MEGF11: variants seen among roughly 807,000 people sequenced by gnomAD.
MEGF11 encodes the protein multiple EGF like domains 11, also known as multiple epidermal growth factor-like domains protein 11.
A neutral mutation model predicts 146.6 loss-of-function variants in MEGF11; 126 were observed. The observed-to-expected ratio is 0.86, with a 90% CI of 0.74 to 1.00. The LOEUF (loss-of-function observed/expected upper bound fraction) is 1.00, where lower values mean the gene tolerates loss of function less well. MEGF11 is among the 50% of genes least tolerant of loss of function. MEGF11 has a pLI of 0.00. For missense variants in MEGF11, 1,509 were observed against 1,521.2 expected, an observed-to-expected ratio of 0.99 and a Z score of 0.13; for synonymous variants, 532 against 583.4, an observed-to-expected ratio of 0.91 and a Z score of 1.27.
chr15:66,081,505 A>C (rs1174794826), intron 5 of MEGF11, among the ~76,000 whole-genome samples: 1 of 152,166 alleles, frequency 6.6e-6, no homozygotes. Flanking sequence ...TAGCCTTCCA[A>C]GTAGCTGGGA....
intron 22 of MEGF11, 68 bp downstream of exon 22, chr15:65,909,672 G>C: frequency 7.0e-7 from 1 of 1,431,288 alleles, no homozygotes; most frequent in Non-Finnish European, 9.5e-7. Context: ...CAAGCTGGGT[G>C]CTTCTCAATA....
chr15:65,946,795 C>G (rs2080210631), intron 10 of MEGF11, among the ~76,000 whole-genome samples: 1 of 152,142 alleles, frequency 6.6e-6, no homozygotes, highest in Non-Finnish European at 1.5e-5. Flanking sequence ...ACGGCAGTGG[C>G]TCCCTCTTGC....
intron 5 of MEGF11, among the ~76,000 whole-genome samples, chr15:66,029,465 C>T (rs2083445054): frequency 6.6e-6 from 1 of 152,166 alleles, no homozygotes; most frequent in African/African-American, 2.4e-5. Flanking sequence ...CACCTGCTGG[C>T]CTGGCATAAT....
chr15:65,910,404 G>C (rs1206469743), intron 21 of MEGF11, among the ~76,000 whole-genome samples: 2 of 152,152 alleles, frequency 1.3e-5, no homozygotes, highest in Admixed American at 6.5e-5. Flanking sequence ...GTCCTGACTT[G>C]CGTGCCTTGC....
intron 6 of MEGF11, 42 bp from the exon 7 acceptor site, chr15:65,980,940 A>C: frequency 3.3e-6 from 5 of 1,511,484 alleles, no homozygotes; most frequent in Non-Finnish European, 4.4e-6. Flanking sequence ...CAGCATTCAG[A>C]TCAGGTGGCA....
intron 1 of MEGF11, among the ~76,000 whole-genome samples, chr15:66,208,046 T>C (rs1174829562): frequency 1.3e-5 from 2 of 150,906 alleles, no homozygotes; most frequent in Non-Finnish European, 2.9e-5. Flanking sequence ...GATCACACCA[T>C]TGCCCTCCAG....
intron 5 of MEGF11, among the ~76,000 whole-genome samples, chr15:66,026,456 G>A (rs1321332255): frequency 2.0e-5 from 3 of 152,172 alleles, no homozygotes; most frequent in Admixed American, 6.5e-5. Context: ...TGCAGGATGT[G>A]GAGCCTGATG....
At chr15:66,084,333 T>C (rs1056431536) in intron 5 of MEGF11, among the ~76,000 whole-genome samples, 1 of 152,122 alleles carries the variant, frequency 6.6e-6, no homozygotes, top group Admixed American at 6.5e-5. Context: ...CAGGACTAGA[T>C]TGCAGCCCCG....
intron 1 of MEGF11, among the ~76,000 whole-genome samples, chr15:66,248,305 TG>T (rs2092324479): frequency 6.6e-6 from 1 of 152,262 alleles, no homozygotes; most frequent in Non-Finnish European, 1.5e-5. Flanking sequence ...CCTCTTGTTA[TG>T]GGAGATACTA....
rs568085785 is a variant in MEGF11, at chr15:66,242,459, G to A, written c.-9+11146C>T. Among the ~76,000 whole-genome samples, 576 of 130,842 alleles carry A rather than the reference G, an allele frequency of 4.4e-3. 1 individual carries two copies. Among genetic ancestry groups the A allele is most frequent in the Non-Finnish European group, 7.1e-3 (442 of 62,486 alleles). The allele number at this position is 130,842 out of a possible 152,430, so 85.8% of individuals were successfully genotyped here. ...AGAAAAAGAAGAAGAAAGAAGGACA[G>A]ATGGAAAGAAAGAGAGAGGGAGGGA... On this transcript the variant is annotated intron_variant, in intron 1 of 25. Transcript: ENST00000395614.
rs145374839 is a variant in MEGF11, at chr15:66,022,346, A to G, written c.395-39858T>C. Among the ~76,000 whole-genome samples the G allele has an allele frequency of 7.2e-3, 1,096 of 152,378 alleles. 3 individuals are homozygous for G. The highest frequency in any genetic ancestry group is 9.2e-3 in the Non-Finnish European group (629 of 68,040). On this transcript the variant is annotated intron_variant, in intron 5 of 25. Transcript: ENST00000395614. ...CCTGCAGTGCTGATGGTCATGCCCA[A>G]TGGCCTCAGGCAGCTGTGCTTTGAC...
chr15:66,125,417 T>C (rs1258212050), intron 2 of MEGF11, among the ~76,000 whole-genome samples: 1 of 152,176 alleles, frequency 6.6e-6, no homozygotes, highest in Non-Finnish European at 1.5e-5. Context: ...AATGCCTCAC[T>C]TAGAGCAAGA....
intron 1 of MEGF11, among the ~76,000 whole-genome samples, chr15:66,217,494 T>G (rs1247990097): frequency 6.6e-6 from 1 of 152,226 alleles, no homozygotes; most frequent in Non-Finnish European, 1.5e-5. Context: ...TGTTTGATGT[T>G]AAAAAGACCC....
chr15:66,123,854 G>A (rs769757066), intron 3 of MEGF11, 45 bp downstream of exon 3: 5 of 1,508,902 alleles, frequency 3.3e-6, no homozygotes, highest in South Asian at 2.2e-5. Context: ...AGCCCTGAGA[G>A]CCCAGTGCCT....
chr15:66,008,978 T>C (rs1245210425), intron 5 of MEGF11, among the ~76,000 whole-genome samples: 1 of 152,238 alleles, frequency 6.6e-6, no homozygotes, highest in Admixed American at 6.5e-5. Flanking sequence ...TGTTCCAGCC[T>C]GCCTGCCAGG....
At chr15:66,110,376 A>C (rs531227239) in intron 4 of MEGF11, among the ~76,000 whole-genome samples, 2 of 152,174 alleles carry the variant, frequency 1.3e-5, no homozygotes, top group Non-Finnish European at 2.9e-5. Flanking sequence ...TACTCTGAAC[A>C]TTCTAAATCA....
At chr15:66,097,579 C>T (rs942964357) in intron 4 of MEGF11, among the ~76,000 whole-genome samples, 4 of 152,098 alleles carry the variant, frequency 2.6e-5, no homozygotes, top group South Asian at 2.1e-4. Context: ...CTGTCGTGGA[C>T]AGGGCAGCTG....
intron 9 of MEGF11, among the ~76,000 whole-genome samples, chr15:65,961,619 A>G (rs987092419): frequency 2.0e-5 from 3 of 152,198 alleles, no homozygotes; most frequent in African/African-American, 7.2e-5. Flanking sequence ...GGGAATGAAG[A>G]GTTGGAGAAT....
chr15:65,921,669 A>G (rs2079174885), intron 15 of MEGF11: 1 of 152,536 alleles, frequency 6.6e-6, no homozygotes, highest in African/African-American at 2.4e-5. Flanking sequence ...ATGTTAAACC[A>G]TTGGTACCTT....
Sources: allele counts gnomAD v4.1 joint callset (sites outside exome capture counted in the v4.1 genomes callset), GRCh38; gene constraint gnomAD v4.1.1; transcripts MANE v1.5; gene names NCBI Gene and HGNC (gene_info 2026-07-23, HGNC 2026-07-21).